Variants in ARMH3 observed in about 807,000 individuals in gnomAD.
ARMH3 encodes the protein armadillo-like helical domain-containing protein 3.
ARMH3 carries 60 observed loss-of-function variants against 99.1 expected under a neutral mutation model. The ratio of observed to expected loss-of-function variants is 0.61; its 90% CI spans 0.49 to 0.75. ARMH3 has a LOEUF of 0.75. Ranked by LOEUF, ARMH3 falls within the 30% of genes least tolerant of loss-of-function variation. The pLI is 0.00. For missense variants in ARMH3, 679 were observed against 843.1 expected (o/e 0.81, Z 2.41); for synonymous variants, 285 against 292.8 (o/e 0.97, Z 0.27).
At position 101,991,090 on chromosome 10, in the gene ARMH3, T is replaced by C. The variant is rs147129076; in HGVS notation, c.1346-479A>G. On this transcript the variant is annotated intron_variant, in intron 18 of 25. Coordinates refer to ENST00000370033, the MANE Select transcript of ARMH3 (RefSeq NM_024541.3). ...ATTGACTGAAATGGGCTGTGGGGCT[T>C]TGGGTCAAGAGAGGCTTATTATACA... Among the ~76,000 whole-genome samples the C allele has an allele frequency of 1.4e-3, 208 of 152,298 alleles. 1 individual carries two copies. The highest frequency in any genetic ancestry group is 4.9e-3 in the African/African-American group (205 of 41,576).
intron 2 of ARMH3, among the ~76,000 whole-genome samples, chr10:102,038,089 CTT>C (rs949920845): frequency 1.7e-4 from 19 of 113,316 alleles, no homozygotes; most frequent in African/African-American, 1.7e-4. Context: ...AGAAAGAATC[CTT>C]TTTTTTTTTT....
chr10:102,018,954 C>T (rs1311169936), intron 8 of ARMH3, among the ~76,000 whole-genome samples: 1 of 150,772 alleles, frequency 6.6e-6, no homozygotes, highest in African/African-American at 2.4e-5. Flanking sequence ...GAGACTCCGT[C>T]TCAAAAAAAA....
At chr10:101,999,223 C>T (rs1297749152) in intron 15 of ARMH3, among the ~76,000 whole-genome samples, 1 of 150,644 alleles carries the variant, frequency 6.6e-6, no homozygotes, top group Non-Finnish European at 1.5e-5. Context: ...CAGAGTTTTG[C>T]CCTTGTTGCC....
At chr10:101,947,834 AATAG>A (rs1282335122) in intron 22 of ARMH3, among the ~76,000 whole-genome samples, 12 of 150,450 alleles carry the variant, frequency 8.0e-5, no homozygotes, top group East Asian at 3.9e-4. Context: ...TAAATAAATA[AATAG>A]ACCCTATATA....
intron 15 of ARMH3, among the ~76,000 whole-genome samples, chr10:101,996,263 T>C (rs1427629445): frequency 6.6e-6 from 1 of 152,204 alleles, no homozygotes; most frequent in African/African-American, 2.4e-5. Context: ...GGACCCAGAA[T>C]GAAGTCCAAT....
chr10:101,904,304 T>C (rs2068049686), intron 23 of ARMH3, among the ~76,000 whole-genome samples: 1 of 152,124 alleles, frequency 6.6e-6, no homozygotes, highest in Non-Finnish European at 1.5e-5. Context: ...TCCAAACACC[T>C]ACACCAGTGG....
intron 1 of ARMH3, among the ~76,000 whole-genome samples, chr10:102,041,802 C>T (rs796664405): frequency 2.0e-5 from 3 of 152,172 alleles, no homozygotes; most frequent in African/African-American, 7.2e-5. Flanking sequence ...GTGTGTACCA[C>T]CATGCCTGGC....
At chr10:102,041,092 T>TATATATATATATATA (rs1564878560) in intron 1 of ARMH3, among the ~76,000 whole-genome samples, 9 of 116,162 alleles carry the variant, frequency 7.7e-5, no homozygotes, top group Non-Finnish European at 1.6e-4. Context: ...ATATATATAA[T>TATATATATATATATA]ATATATATAT....
At chr10:102,021,412 T>G (rs1439890197) in intron 8 of ARMH3, among the ~76,000 whole-genome samples, 1 of 150,622 alleles carries the variant, frequency 6.6e-6, no homozygotes, top group Non-Finnish European at 1.5e-5. Flanking sequence ...AGACAGGGTC[T>G]CACTATGTCA....
chr10:101,977,622 A>G (rs1281097051), intron 19 of ARMH3, among the ~76,000 whole-genome samples: 1 of 152,232 alleles, frequency 6.6e-6, no homozygotes, highest in Non-Finnish European at 1.5e-5. Flanking sequence ...CAAATGTAAT[A>G]TTATTAAAAG....
chr10:101,850,802 G>A (rs1254689609), intron 24 of ARMH3, among the ~76,000 whole-genome samples: 2 of 152,052 alleles, frequency 1.3e-5, no homozygotes, highest in African/African-American at 4.8e-5. Flanking sequence ...CTCTGAGTAC[G>A]GCAAAAGAGC....
At chr10:101,853,092 T>C (rs1313400116) in intron 24 of ARMH3, among the ~76,000 whole-genome samples, 1 of 150,082 alleles carries the variant, frequency 6.7e-6, no homozygotes, top group Non-Finnish European at 1.5e-5. Flanking sequence ...GGTTTCATGA[T>C]ATTGGCTAGG....
chr10:101,937,528 A>AC (rs1844041016), intron 23 of ARMH3, among the ~76,000 whole-genome samples: 1 of 151,958 alleles, frequency 6.6e-6, no homozygotes, highest in Non-Finnish European at 1.5e-5. Context: ...CCAAAAAAAA[A>AC]AAAAAAAGAA....
chr10:102,000,974 G>A (rs766281326), intron 15 of ARMH3, among the ~76,000 whole-genome samples: 13 of 151,920 alleles, frequency 8.6e-5, no homozygotes, highest in South Asian at 8.3e-4. Flanking sequence ...ATGCCACCAC[G>A]GCCGGCTAAT....
chr10:101,932,634 T>C (rs1325759604), intron 23 of ARMH3, among the ~76,000 whole-genome samples: 1 of 152,246 alleles, frequency 6.6e-6, no homozygotes, highest in Non-Finnish European at 1.5e-5. Context: ...TTGAGAATAT[T>C]ATATTAGGCA....
At chr10:101,864,073 AAAAAAAC>A (rs1314110396) in intron 24 of ARMH3, among the ~76,000 whole-genome samples, 54 of 131,596 alleles carry the variant, frequency 4.1e-4, no homozygotes, top group Non-Finnish European at 8.0e-4. Flanking sequence ...AAAAAAAAAA[AAAAAAAC>A]ACACACACAC....
intron 23 of ARMH3, among the ~76,000 whole-genome samples, chr10:101,891,487 G>A (rs117577755): frequency 0.022 from 3,344 of 152,200 alleles, 45 homozygotes; most frequent in South Asian, 0.057. Flanking sequence ...GTGAGCCACC[G>A]TGCCCAGCCA....
At chr10:101,867,975 T>C (rs1365307570) in intron 24 of ARMH3, among the ~76,000 whole-genome samples, 1 of 147,474 alleles carries the variant, frequency 6.8e-6, no homozygotes, top group Non-Finnish European at 1.5e-5. Context: ...CCTGTTTCTA[T>C]TAAAAAAAAA....
intron 1 of ARMH3, 44 bp from the exon 2 acceptor site, chr10:102,040,169 TATG>T (rs1185243115): frequency 6.8e-7 from 1 of 1,460,338 alleles, no homozygotes; most frequent in African/African-American, 1.4e-5. Flanking sequence ...AAATACTCAG[TATG>T]ATACTATAAT....
Sources: allele counts gnomAD v4.1 joint callset (sites outside exome capture counted in the v4.1 genomes callset), GRCh38; gene constraint gnomAD v4.1.1; transcripts MANE v1.5; gene names NCBI Gene and HGNC (gene_info 2026-07-23, HGNC 2026-07-21).